IFNGR1: variants seen among roughly 807,000 people sequenced by gnomAD.
The protein encoded by IFNGR1 is AVP, type 2.
A neutral mutation model predicts 35.4 loss-of-function variants in IFNGR1; 23 were observed. That is an observed-to-expected ratio of 0.65 (90% CI 0.47 to 0.92). The LOEUF is 0.92. Among genes scored for constraint, IFNGR1 ranks in the 40% least tolerant of loss-of-function variants. The pLI, the probability that IFNGR1 is intolerant of heterozygous loss-of-function variation, is 0.00. For missense variants in IFNGR1, 533 were observed against 583.4 expected (o/e 0.91, Z 0.89); for synonymous variants, 199 against 209.5 (o/e 0.95, Z 0.43).
intron 3 of IFNGR1, among the ~76,000 whole-genome samples, chr6:137,205,081 G>A (rs374627467): frequency 1.3e-5 from 2 of 152,166 alleles, no homozygotes; most frequent in East Asian, 3.8e-4. Context: ...TATCCTCAGG[G>A]CCCAGTATAC....
chr6:137,210,587 T>C (rs1779551258), intron 1 of IFNGR1, among the ~76,000 whole-genome samples: 1 of 152,336 alleles, frequency 6.6e-6, no homozygotes, highest in Admixed American at 6.5e-5. Context: ...ATAATCATCC[T>C]CAAAAATTGT....
At chr6:137,213,732 G>A (rs1406725811) in intron 1 of IFNGR1, among the ~76,000 whole-genome samples, 3 of 152,164 alleles carry the variant, frequency 2.0e-5, no homozygotes, top group Admixed American at 2.0e-4. Context: ...ATGTAGGGTG[G>A]ATGGCAAACT....
At chr6:137,215,997 C>A (rs887614231) in intron 1 of IFNGR1, among the ~76,000 whole-genome samples, 1 of 152,192 alleles carries the variant, frequency 6.6e-6, no homozygotes, top group African/African-American at 2.4e-5. Flanking sequence ...CCACTGCCCC[C>A]AGCCTAGGTT....
At position 137,198,501 on chromosome 6, in the gene IFNGR1, T is replaced by C. The variant is rs1779155189; in HGVS notation, c.1000A>G (p.Met334Val). 6.2e-7 allele frequency: 1 copy of C among 1,614,198 alleles called. No homozygotes were observed. The highest frequency in any genetic ancestry group is 1.1e-5 in the South Asian group (1 of 91,086). ...TTTCCTGGATTGTCTTCGGTATGCATGCCTGGAACTGTTGCTGGAGACAAC... is the reference window on the plus strand; with the variant it reads ...TTTCCTGGATTGTCTTCGGTATGCACGCCTGGAACTGTTGCTGGAGACAAC... ...EPLSPATVPG[M>V]HTEDNPGKVE... Residue 334 changes from methionine (M) to valine (V), a missense_variant, in exon 7 of 7, where the codon ATG (methionine) becomes GTG (valine). Physicochemically the swap from Met to Val is conservative, Grantham distance 21. Transcript: ENST00000367739.
intron 4 of IFNGR1, 130 bp downstream of exon 4, chr6:137,204,202 C>T (rs56264536): frequency 1.3e-6 from 1 of 782,652 alleles, no homozygotes; most frequent in Non-Finnish European, 2.2e-6. Flanking sequence ...ACATATTTTT[C>T]TTATCAAATC....
intron 1 of IFNGR1, among the ~76,000 whole-genome samples, chr6:137,218,116 C>G (rs1779750643): frequency 6.6e-6 from 1 of 152,190 alleles, no homozygotes; most frequent in Non-Finnish European, 1.5e-5. Context: ...AATTGAGCAG[C>G]TCCCCACTGA....
rs764023379 is a variant in IFNGR1 at position 137,207,081 on chromosome 6, T to C, written c.86-4A>G. 30 of 1,613,556 alleles carry C rather than the reference T, an allele frequency of 1.9e-5. No homozygotes were observed. Among genetic ancestry groups the C allele is most frequent in the Non-Finnish European group, 2.5e-5 (29 of 1,179,760 alleles). On this transcript the variant is annotated splice_polypyrimidine_tract_variant and splice_region_variant and intron_variant, in intron 1 of 6. Coordinates refer to ENST00000367739, the MANE Select transcript of IFNGR1 (RefSeq NM_000416.3). ...GTAACATTAGTTGGTGTAGGCACTG[T>C]AAGAAAATAAAAAAGTAAAAGGGAC...
chr6:137,206,867 C>G (rs1779442619), intron 2 of IFNGR1, 96 bp downstream of exon 2: 1 of 930,978 alleles, frequency 1.1e-6, no homozygotes, highest in Admixed American at 2.1e-5. Flanking sequence ...GAATGTTTTG[C>G]CACGTGGGAA....
At position 137,219,343 on chromosome 6, in the gene IFNGR1, C is replaced by T; in HGVS notation, c.-16G>A. On this transcript the variant is annotated 5_prime_UTR_variant, in exon 1 of 7. Coordinates refer to ENST00000367739, the MANE Select transcript of IFNGR1 (RefSeq NM_000416.3). ...GGAGAGCCATGCTGCTACCGACGGT[C>T]GCTGGCTCCAACCCCGAGCGCCTGC... is the stretch of plus-strand genomic sequence containing the variant. 6.3e-7 allele frequency: 1 copy of T among 1,595,140 alleles called. No individual in the cohort carries two copies. Among genetic ancestry groups the T allele is most frequent in the Non-Finnish European group, 8.5e-7 (1 of 1,171,412 alleles).
chr6:137,207,103 G>C (rs1468066529), intron 1 of IFNGR1, 26 bp from the exon 2 acceptor site: 1 of 1,612,260 alleles, frequency 6.2e-7, no homozygotes, highest in Admixed American at 1.7e-5. Context: ...AAAGTAAAAG[G>C]GACAATTGTA....
At chr6:137,199,541 TATTATATAACA>T (rs1263805669) in intron 6 of IFNGR1, among the ~76,000 whole-genome samples, 12 of 73,292 alleles carry the variant, frequency 1.6e-4, no homozygotes, top group African/African-American at 5.6e-4. Flanking sequence ...ATATAATATA[TATTATATAACA>T]TATAAAATAT....
At chr6:137,208,008 G>A (rs907805727) in intron 1 of IFNGR1, among the ~76,000 whole-genome samples, 3 of 152,200 alleles carry the variant, frequency 2.0e-5, no homozygotes, top group African/African-American at 7.2e-5. Flanking sequence ...ATAAAATCCA[G>A]GCTGAGGTGG....
chr6:137,213,526 G>C (rs912060392), intron 1 of IFNGR1, among the ~76,000 whole-genome samples: 2 of 152,184 alleles, frequency 1.3e-5, no homozygotes, highest in African/African-American at 4.8e-5. Context: ...AAAAAAAGGA[G>C]GGCCCTGGTT....
At chr6:137,202,602 T>TATAC (rs370033292) in intron 5 of IFNGR1, among the ~76,000 whole-genome samples, 1 of 142,084 alleles carries the variant, frequency 7.0e-6, no homozygotes, top group African/African-American at 2.7e-5. Flanking sequence ...AATATATGTA[T>TATAC]ACACACACAC....
In IFNGR1 at chr6:137,207,058, A is replaced by G; in HGVS notation, c.105T>C (p.Val35=). The change falls in exon 2 of 7, where the codon GTT becomes GTC. Residue 35 remains valine (V), a synonymous_variant. Transcript: ENST00000367739. ...GGTTCATGTTATAGGATTCAATTGT[A>G]ACATTAGTTGGTGTAGGCACTGTAA... ...GPSSVPTPTN[V]TIESYNMNPI... 6.2e-7 allele frequency: 1 copy of G among 1,614,058 alleles called. No individual in the cohort carries two copies.
At chr6:137,218,728 T>C (rs2114525234) in intron 1 of IFNGR1, 1 of 350,188 alleles carries the variant, frequency 2.9e-6, no homozygotes, top group Non-Finnish European at 5.7e-6. Context: ...AATGTCCCCT[T>C]AGGCAATTTC....
rs778369411 is a variant in IFNGR1 at position 137,200,846 on chromosome 6, C to G, written c.861+35G>C. On this transcript the variant is annotated intron_variant, in intron 6 of 6. Transcript: ENST00000367739. ...AACTATCAAAAAAGGTTCAAGTTAA[C>G]TTTTTAGTGTATATAAAAAAATTAA... is the stretch of plus-strand genomic sequence containing the variant. The G allele has an allele frequency of 6.2e-6, 9 of 1,458,616 alleles. No individual in the cohort carries two copies. The East Asian group carries it at 1.9e-4, about 31-fold the overall frequency. The allele number at this position is 1,458,616 out of a possible 1,614,324, so 90.4% of individuals were successfully genotyped here.
At chr6:137,217,883 A>C (rs1243881482) in intron 1 of IFNGR1, among the ~76,000 whole-genome samples, 2 of 152,196 alleles carry the variant, frequency 1.3e-5, no homozygotes. Flanking sequence ...CGAATTCAAC[A>C]TGCTATCACA....
chr6:137,203,617 T>C lies in IFNGR1; in HGVS notation c.615A>G (p.Pro205=). Residue 205 remains proline, a synonymous_variant, in exon 5 of 7, where the codon CCA becomes CCG. Transcript: ENST00000367739. ...AGTACTGAGAATTCAGTGAGGATAC[T>C]GGAATCGCTAACTGGCACTGAATCT... ...CDEIQCQLAI[P]VSSLNSQYCV... 1.2e-6 allele frequency: 2 copies of C among 1,611,628 alleles called. No individual in the cohort carries two copies. The highest frequency in any genetic ancestry group is 1.7e-6 in the Non-Finnish European group (2 of 1,177,808).
Sources: allele counts gnomAD v4.1 joint callset (sites outside exome capture counted in the v4.1 genomes callset), GRCh38; gene constraint gnomAD v4.1.1; transcripts MANE v1.5; gene names NCBI Gene and HGNC (gene_info 2026-07-23, HGNC 2026-07-21).